WDFY1: variants seen among roughly 807,000 people sequenced by gnomAD.
WDFY1 encodes the protein WD repeat and FYVE domain containing 1, also known as WD repeat and FYVE domain-containing protein 1.
WDFY1 carries 32 observed loss-of-function variants against 56.4 expected under a neutral mutation model. The ratio of observed to expected loss-of-function variants is 0.57; its 90% CI spans 0.43 to 0.76. WDFY1 has a LOEUF of 0.76. Among genes scored for constraint, WDFY1 ranks in the 30% least tolerant of loss-of-function variants. WDFY1 has a pLI of 0.00. For synonymous variants in WDFY1, 192 were observed against 197.3 expected, an observed-to-expected ratio of 0.97 and a Z score of 0.23; for missense variants, 480 against 545.7, an observed-to-expected ratio of 0.88 and a Z score of 1.20.
intron 1 of WDFY1, among the ~76,000 whole-genome samples, chr2:223,934,081 CTTTTTTTTTTT>C (rs201021204): frequency 7.3e-6 from 1 of 136,168 alleles, no homozygotes; most frequent in South Asian, 2.2e-4. Flanking sequence ...TTTTTCTTTT[CTTTTTTTTTTT>C]TTTTTTTTTT....
At chr2:223,919,301 C>G (rs539661597) in intron 1 of WDFY1, among the ~76,000 whole-genome samples, 1 of 152,312 alleles carries the variant, frequency 6.6e-6, no homozygotes, top group African/African-American at 2.4e-5. Context: ...ACCGCCACCT[C>G]CCGGGTTCAA....
chr2:223,901,408 C>T, intron 4 of WDFY1, 75 bp from the exon 5 acceptor site: 1 of 1,538,800 alleles, frequency 6.5e-7, no homozygotes, highest in Admixed American at 1.8e-5. Context: ...GGCTCAACCT[C>T]TCAATCTGCT....
Position 223,945,230 on chromosome 2 carries a change from T to C in WDFY1, c.55A>G (p.Lys19Glu). 1.9e-6 allele frequency: 3 copies of C among 1,597,144 alleles called. No individual in the cohort carries two copies. Among genetic ancestry groups the C allele is most frequent in the Non-Finnish European group, 2.6e-6 (3 of 1,175,024 alleles). Reference protein sequence around the residue: ...PQSSRPVLLSKIEGHQDAVTA... With the variant: ...PQSSRPVLLSEIEGHQDAVTA... ...ACGGCGTCCTGGTGCCCCTCGATCT[T>C]GCTCAGCAGCACCGGGCGGCTGCTC... is the stretch of plus-strand genomic sequence containing the variant. Residue 19 changes from lysine to glutamate, a missense_variant, in exon 1 of 12, where the codon AAG becomes GAG. Lys to Glu is a moderately conservative substitution (Grantham distance 56). Transcript: ENST00000233055.
At chr2:223,903,050 A>G (rs1163009158) in intron 4 of WDFY1, among the ~76,000 whole-genome samples, 1 of 152,134 alleles carries the variant, frequency 6.6e-6, no homozygotes, top group Non-Finnish European at 1.5e-5. Flanking sequence ...ATGGTGAGAT[A>G]CAGTCATGCT....
chr2:223,921,682 C>T (rs1404280270), intron 1 of WDFY1, among the ~76,000 whole-genome samples: 1 of 152,040 alleles, frequency 6.6e-6, no homozygotes, highest in Non-Finnish European at 1.5e-5. Context: ...CCTCGAACTC[C>T]TGGGCTCAAG....
At chr2:223,903,537 A>ACG in intron 4 of WDFY1, among the ~76,000 whole-genome samples, 1 of 28,040 alleles carries the variant, frequency 3.6e-5, no homozygotes, top group Non-Finnish European at 7.4e-5. Context: ...AACAAAACAA[A>ACG]ACAAAAAAAA....
intron 1 of WDFY1, among the ~76,000 whole-genome samples, chr2:223,944,011 G>A (rs1000344234): frequency 1.4e-4 from 22 of 152,240 alleles, no homozygotes; most frequent in African/African-American, 4.1e-4. Flanking sequence ...TCTGTCTGGT[G>A]AGTAATGTTA....
intron 1 of WDFY1, among the ~76,000 whole-genome samples, chr2:223,918,423 T>C (rs1369647998): frequency 6.6e-6 from 1 of 151,974 alleles, no homozygotes; most frequent in Non-Finnish European, 1.5e-5. Flanking sequence ...GGTCAGGAGA[T>C]CAAGACCATC....
intron 1 of WDFY1, among the ~76,000 whole-genome samples, chr2:223,919,865 C>A (rs1226112601): frequency 1.3e-5 from 2 of 152,174 alleles, no homozygotes; most frequent in Non-Finnish European, 1.5e-5. Context: ...TCCTCCCTGA[C>A]CCTTGAGACC....
chr2:223,937,280 C>T (rs1161237660), intron 1 of WDFY1, among the ~76,000 whole-genome samples: 1 of 152,130 alleles, frequency 6.6e-6, no homozygotes, highest in Admixed American at 6.5e-5. Flanking sequence ...CACACACAAA[C>T]ATGCATACAA....
intron 10 of WDFY1, among the ~76,000 whole-genome samples, chr2:223,881,278 T>C (rs370494284): frequency 6.6e-6 from 1 of 152,218 alleles, no homozygotes; most frequent in African/African-American, 2.4e-5. Context: ...GATACTTTTA[T>C]AGAGAACCAG....
At chr2:223,890,228 T>C (rs1024838657) in intron 8 of WDFY1, among the ~76,000 whole-genome samples, 2 of 152,138 alleles carry the variant, frequency 1.3e-5, no homozygotes, top group African/African-American at 4.8e-5. Context: ...TCCCAGCACT[T>C]TGGGAGGCTG....
At chr2:223,931,686 CTTTTTTTTT>C (rs796921019) in intron 1 of WDFY1, among the ~76,000 whole-genome samples, 2,293 of 42,328 alleles carry the variant, frequency 0.054, 65 homozygotes, top group African/African-American at 0.1. Flanking sequence ...ATTTTTCTTT[CTTTTTTTTT>C]TTTTTTTTTG....
chr2:223,899,470 T>G (rs1014610058), intron 5 of WDFY1, among the ~76,000 whole-genome samples: 1 of 152,120 alleles, frequency 6.6e-6, no homozygotes, highest in African/African-American at 2.4e-5. Context: ...CTGGGCTGGC[T>G]GCAGTGGCTC....
intron 1 of WDFY1, among the ~76,000 whole-genome samples, chr2:223,936,407 G>A (rs1694169800): frequency 6.6e-6 from 1 of 152,110 alleles, no homozygotes; most frequent in South Asian, 2.1e-4. Context: ...GCTAATGAAA[G>A]GTCATGAGCA....
Position 223,909,826 on chromosome 2 carries a change from C to A in WDFY1, c.279+2427G>T, listed in dbSNP as rs76085316. Among the ~76,000 whole-genome samples the A allele has an allele frequency of 6.3e-3, 963 of 152,314 alleles. 10 individuals carry two copies. The highest frequency in any genetic ancestry group is 0.022 in the African/African-American group (906 of 41,562). On this transcript the variant is annotated intron_variant, in intron 3 of 11. Coordinates refer to ENST00000233055, the MANE Select transcript of WDFY1 (RefSeq NM_020830.5). ...CCCAGGCCGCTAAAACAATCTGATTCTCCCACCGCCACTCTGGCCGTGCCT... is the reference window on the plus strand; with the variant it reads ...CCCAGGCCGCTAAAACAATCTGATTATCCCACCGCCACTCTGGCCGTGCCT...
intron 1 of WDFY1, among the ~76,000 whole-genome samples, chr2:223,926,258 C>T (rs559905795): frequency 4.5e-4 from 68 of 151,960 alleles, no homozygotes; most frequent in African/African-American, 1.6e-3. Context: ...GGGATCCTCC[C>T]ACCTCAGGTT....
intron 2 of WDFY1, among the ~76,000 whole-genome samples, chr2:223,915,714 C>T (rs1693776240): frequency 3.3e-5 from 5 of 152,184 alleles, no homozygotes; most frequent in Admixed American, 3.3e-4. Flanking sequence ...GCTGTTGCTA[C>T]TTCCAACTCT....
At chr2:223,929,740 T>C (rs928518883) in intron 1 of WDFY1, among the ~76,000 whole-genome samples, 1 of 152,188 alleles carries the variant, frequency 6.6e-6, no homozygotes, top group South Asian at 2.1e-4. Flanking sequence ...CGCTTCTGCC[T>C]TCATTTTACA....
Sources: allele counts gnomAD v4.1 joint callset (sites outside exome capture counted in the v4.1 genomes callset), GRCh38; gene constraint gnomAD v4.1.1; transcripts MANE v1.5; gene names NCBI Gene and HGNC (gene_info 2026-07-23, HGNC 2026-07-21).